RAB3GAP2: variants seen among roughly 807,000 people sequenced by gnomAD.
RAB3GAP2 encodes the protein RAB3 GTPase activating non-catalytic protein subunit 2.
In RAB3GAP2, 87 loss-of-function variants were observed where a neutral mutation model predicts 185.3. The ratio of observed to expected loss-of-function variants is 0.47; its 90% CI spans 0.39 to 0.56. The LOEUF (loss-of-function observed/expected upper bound fraction) is 0.56, where lower values mean the gene tolerates loss of function less well. Ranked by LOEUF, RAB3GAP2 falls within the 20% of genes least tolerant of loss-of-function variation. RAB3GAP2 has a pLI of 0.00. For missense variants in RAB3GAP2, 1,492 were observed against 1,638.2 expected (o/e 0.91, Z 1.54); for synonymous variants, 554 against 576.1 (o/e 0.96, Z 0.55).
chr1:220,177,242 G>A (rs1658309174), intron 21 of RAB3GAP2, among the ~76,000 whole-genome samples: 2 of 152,372 alleles, frequency 1.3e-5, no homozygotes, highest in South Asian at 2.1e-4. Flanking sequence ...CCTGCAGCAA[G>A]CCTGGGCTTA....
chr1:220,269,289 C>T (rs948881582), intron 1 of RAB3GAP2, among the ~76,000 whole-genome samples: 10 of 152,124 alleles, frequency 6.6e-5, no homozygotes, highest in African/African-American at 2.4e-4. Flanking sequence ...CAAAAAAGAG[C>T]GTCTGAAGCA....
Position 220,182,869 on chromosome 1 carries a change from C to G in RAB3GAP2, c.2061G>C (p.Glu687Asp). The G allele has an allele frequency of 6.2e-7, 1 of 1,613,640 alleles. No homozygotes were observed. Among genetic ancestry groups the G allele is most frequent in the Non-Finnish European group, 8.5e-7 (1 of 1,179,788 alleles). The change falls in exon 20 of 35, where the codon GAG becomes GAC. Residue 687 changes from glutamate to aspartate, a missense_variant. By Grantham distance (45) the Glu-to-Asp change is conservative. Around this residue, in one of 5 missense-constraint regions of RAB3GAP2, gnomAD observed 681 missense variants for 689.1 expected, o/e 0.99. Transcript: ENST00000358951. ...KELLKLQALLEKYKQENTRTN... is the reference protein window; with the variant it reads ...KELLKLQALLDKYKQENTRTN... ...TCCTGGTGTTCTCTTGCTTATATTT[C>G]TCTAGTAATGCCTGGAGCTTAAGCA... is the stretch of plus-strand genomic sequence containing the variant.
chr1:220,194,165 G>C (rs1658678728), intron 12 of RAB3GAP2, among the ~76,000 whole-genome samples: 1 of 151,534 alleles, frequency 6.6e-6, no homozygotes, highest in South Asian at 2.1e-4. Context: ...CTTCATGGTG[G>C]TACTTTATAT....
intron 1 of RAB3GAP2, among the ~76,000 whole-genome samples, chr1:220,271,852 T>G (rs906862590): frequency 2.2e-5 from 3 of 135,128 alleles, no homozygotes; most frequent in African/African-American, 8.5e-5. Flanking sequence ...GCAGGCAACA[T>G]GAAACAGGGA....
At chr1:220,227,978 C>G (rs12062286) in intron 2 of RAB3GAP2, among the ~76,000 whole-genome samples, 5,267 of 152,282 alleles carry the variant, frequency 0.035, 323 homozygotes, top group African/African-American at 0.12. Flanking sequence ...GTCTCGTACT[C>G]CTGACCTCAA....
At chr1:220,182,680 G>A (rs751402614) in intron 20 of RAB3GAP2, 38 bp downstream of exon 20, 5 of 1,425,930 alleles carry the variant, frequency 3.5e-6, no homozygotes, top group Non-Finnish European at 4.7e-6. Context: ...TCTTCTAAAA[G>A]AAGAGGCATA....
intron 1 of RAB3GAP2, among the ~76,000 whole-genome samples, chr1:220,245,361 G>T: frequency 1.3e-5 from 2 of 152,340 alleles, no homozygotes; most frequent in Middle Eastern, 3.4e-3. Context: ...CTTGGGAAGC[G>T]CAAGGGGTCA....
intron 1 of RAB3GAP2, among the ~76,000 whole-genome samples, chr1:220,249,147 T>C (rs1032469461): frequency 3.3e-5 from 5 of 152,118 alleles, no homozygotes; most frequent in Non-Finnish European, 5.9e-5. Context: ...TAGAACAGTT[T>C]AGAGGGCTCA....
intron 4 of RAB3GAP2, among the ~76,000 whole-genome samples, 182 bp downstream of exon 4, chr1:220,212,705 G>A (rs958462933): frequency 6.6e-6 from 1 of 152,048 alleles, no homozygotes; most frequent in Non-Finnish European, 1.5e-5. Context: ...GTTGCCCAGG[G>A]TGGTCTCGAA....
At chr1:220,253,662 A>G in intron 1 of RAB3GAP2, 1 of 1,600,212 alleles carries the variant, frequency 6.2e-7, no homozygotes, top group South Asian at 1.1e-5. Context: ...CAAAGTGTGT[A>G]AAGGTTGCCA....
At chr1:220,228,572 G>C (rs1016215965) in intron 2 of RAB3GAP2, among the ~76,000 whole-genome samples, 1 of 152,096 alleles carries the variant, frequency 6.6e-6, no homozygotes, top group Admixed American at 6.5e-5. Flanking sequence ...TTTAAGGAAA[G>C]GATCCAAATT....
intron 1 of RAB3GAP2, chr1:220,266,915 G>A: frequency 6.3e-7 from 1 of 1,588,816 alleles, no homozygotes; most frequent in East Asian, 2.2e-5. Flanking sequence ...TAGGTCTCTT[G>A]GTATGTATTT....
chr1:220,227,797 G>C (rs968390022), intron 2 of RAB3GAP2, among the ~76,000 whole-genome samples: 9 of 152,202 alleles, frequency 5.9e-5, no homozygotes, highest in African/African-American at 2.2e-4. Context: ...TGTTGCTCAG[G>C]CTGGAGTGCA....
At chr1:220,266,937 A>C (rs1660237703) in intron 1 of RAB3GAP2, 6 of 1,593,580 alleles carry the variant, frequency 3.8e-6, no homozygotes, top group Non-Finnish European at 5.2e-6. Context: ...CCTCAAAAGG[A>C]GGCTTCCCAA....
Position 220,272,266 on chromosome 1 carries a change from G to C in RAB3GAP2, c.72C>G (p.His24Gln), listed in dbSNP as rs549315137. The change falls in exon 1 of 35, where the codon CAC becomes CAG. Residue 24 changes from histidine (H) to glutamine (Q), a missense_variant. By Grantham distance (24) the His-to-Gln change is conservative (BLOSUM62 0). Coordinates refer to ENST00000358951, the MANE Select transcript of RAB3GAP2 (RefSeq NM_012414.4). ...CGCCGCTGAGGATCTCCTCCCGCAG[G>C]TGAGGAAAGAGGAAGTCCCGGGCGG... Reference protein sequence around the residue: ...LQAARDFLFPHLREEILSGAL... With the variant: ...LQAARDFLFPQLREEILSGAL... The C allele has an allele frequency of 6.2e-7, 1 of 1,612,054 alleles. No individual in the cohort carries two copies. Among genetic ancestry groups the C allele is most frequent in the Non-Finnish European group, 8.5e-7 (1 of 1,179,628 alleles).
intron 1 of RAB3GAP2, chr1:220,254,639 A>G: frequency 1.1e-6 from 1 of 872,074 alleles, no homozygotes; most frequent in Non-Finnish European, 1.9e-6. Flanking sequence ...ATGTTAGTGT[A>G]TAACAATTGA....
At chr1:220,233,704 A>T (rs1270459444) in intron 1 of RAB3GAP2, among the ~76,000 whole-genome samples, 1 of 151,996 alleles carries the variant, frequency 6.6e-6, no homozygotes, top group Non-Finnish European at 1.5e-5. Flanking sequence ...TATAAAGTGT[A>T]TGTGTTTTTT....
intron 27 of RAB3GAP2, among the ~76,000 whole-genome samples, chr1:220,162,978 T>A (rs945583307): frequency 1.3e-5 from 2 of 152,064 alleles, no homozygotes; most frequent in Non-Finnish European, 2.9e-5. Flanking sequence ...AACCCATCCC[T>A]ATGAAAAAAT....
chr1:220,166,416 T>C (rs1658063079), intron 26 of RAB3GAP2, among the ~76,000 whole-genome samples: 5 of 152,260 alleles, frequency 3.3e-5, no homozygotes, highest in Non-Finnish European at 7.3e-5. Flanking sequence ...TAAGGAGGTC[T>C]AAGTGAAGGA....
Sources: gnomAD v4.1 joint callset for allele counts (sites outside exome capture counted in the v4.1 genomes callset) on GRCh38, gnomAD v4.1.1 for gene constraint, gnomAD v4.1.1 regional missense constraint, MANE v1.5 for transcripts, NCBI Gene and HGNC (gene_info 2026-07-23, HGNC 2026-07-21) for gene names.